The following SNTG1 variants were observed in gnomAD, a reference collection of about 807,000 sequenced individuals.
The protein encoded by SNTG1 is syntrophin gamma 1.
Under a neutral mutation model 74.7 loss-of-function variants are expected in SNTG1, and 39 were observed. The observed-to-expected ratio is 0.52, with a 90% CI of 0.40 to 0.68. The LOEUF is 0.68. Ranked by LOEUF, SNTG1 falls within the 30% of genes least tolerant of loss-of-function variation. SNTG1 has a pLI of 0.00. For synonymous variants in SNTG1, 254 were observed against 217.1 expected (o/e 1.17, Z -1.49); for missense variants, 685 against 609.5 (o/e 1.12, Z -1.30).
intron 1 of SNTG1, among the ~76,000 whole-genome samples, chr8:49,925,856 A>T (rs1226272928): frequency 2.0e-5 from 3 of 152,178 alleles, no homozygotes; most frequent in Non-Finnish European, 4.4e-5. Context: ...GGTTGCTTTC[A>T]GTTTGGGGCT....
At chr8:49,962,315 G>A (rs562946582) in intron 1 of SNTG1, among the ~76,000 whole-genome samples, 29 of 151,548 alleles carry the variant, frequency 1.9e-4, no homozygotes, top group African/African-American at 5.8e-4. Context: ...TTTGGGGGGC[G>A]GGTGATATCT....
chr8:50,388,035 G>T (rs933785101), intron 2 of SNTG1, among the ~76,000 whole-genome samples: 1 of 152,142 alleles, frequency 6.6e-6, no homozygotes, highest in Non-Finnish European at 1.5e-5. Context: ...TTGCTAAGCT[G>T]GGGTTTAATT....
At chr8:50,561,329 A>C (rs2094487117) in intron 12 of SNTG1, among the ~76,000 whole-genome samples, 1 of 152,194 alleles carries the variant, frequency 6.6e-6, no homozygotes, top group Non-Finnish European at 1.5e-5. Context: ...TCTTTCCTTC[A>C]TAAATTACTG....
intron 15 of SNTG1, among the ~76,000 whole-genome samples, chr8:50,681,189 G>T (rs1299485593): frequency 6.6e-6 from 1 of 151,844 alleles, no homozygotes; most frequent in Non-Finnish European, 1.5e-5. Flanking sequence ...ATACCAATTT[G>T]CTTTGTATTT....
chr8:50,539,553 T>C (rs1456586767), intron 11 of SNTG1, among the ~76,000 whole-genome samples: 1 of 152,100 alleles, frequency 6.6e-6, no homozygotes, highest in African/African-American at 2.4e-5. Context: ...ACCACCTCAT[T>C]CCACTGCGGT....
chr8:50,752,136 A>G (rs2095569015), intron 18 of SNTG1, 25 bp downstream of exon 18: 1 of 1,315,312 alleles, frequency 7.6e-7, no homozygotes. Flanking sequence ...TTCATCACAT[A>G]ACACCTCTAA....
At chr8:50,320,475 T>A (rs1367744890) in intron 2 of SNTG1, among the ~76,000 whole-genome samples, 1 of 152,100 alleles carries the variant, frequency 6.6e-6, no homozygotes, top group Non-Finnish European at 1.5e-5. Context: ...TTTGTTGAAT[T>A]GATCTTTTGT....
chr8:50,218,891 C>T (rs183511901), intron 2 of SNTG1, among the ~76,000 whole-genome samples: 22 of 152,320 alleles, frequency 1.4e-4, no homozygotes, highest in African/African-American at 5.0e-4. Context: ...ACTGAAGCCA[C>T]AGAGCCAAGG....
chr8:50,085,263 A>C (rs1822773793), intron 1 of SNTG1, among the ~76,000 whole-genome samples: 1 of 152,204 alleles, frequency 6.6e-6, no homozygotes, highest in South Asian at 2.1e-4. Flanking sequence ...TTATAGAAAA[A>C]TTCATCAGTA....
chr8:50,364,812 G>A (rs1307798612), intron 2 of SNTG1, among the ~76,000 whole-genome samples: 1 of 151,964 alleles, frequency 6.6e-6, no homozygotes, highest in East Asian at 1.9e-4. Context: ...TTTTATTGCA[G>A]TAATCATTTA....
At chr8:50,555,756 G>A (rs1406371999) in intron 12 of SNTG1, among the ~76,000 whole-genome samples, 1 of 152,074 alleles carries the variant, frequency 6.6e-6, no homozygotes, top group East Asian at 1.9e-4. Context: ...ACTGAAAAAA[G>A]GATTAAAATG....
At chr8:50,443,922 T>C (rs112914641) in intron 5 of SNTG1, among the ~76,000 whole-genome samples, 1 of 151,980 alleles carries the variant, frequency 6.6e-6, no homozygotes, top group African/African-American at 2.4e-5. Flanking sequence ...TCATTTGAGG[T>C]CAGGAGCTTG....
chr8:50,213,748 T>C (rs1351260169), intron 2 of SNTG1, among the ~76,000 whole-genome samples: 3 of 152,068 alleles, frequency 2.0e-5, no homozygotes, highest in Non-Finnish European at 4.4e-5. Flanking sequence ...TGTCTGTTCA[T>C]GTCCTTCGCC....
intron 9 of SNTG1, among the ~76,000 whole-genome samples, chr8:50,506,722 TAG>T (rs1486946885): frequency 6.6e-6 from 1 of 152,068 alleles, no homozygotes; most frequent in African/African-American, 2.4e-5. Context: ...GTTTAAACTT[TAG>T]AGTTTTCTAC....
intron 2 of SNTG1, among the ~76,000 whole-genome samples, chr8:50,265,588 C>T (rs760878748): frequency 6.6e-5 from 10 of 151,974 alleles, no homozygotes; most frequent in Non-Finnish European, 1.2e-4. Context: ...GCTTTTGTCA[C>T]TTCTATTCGA....
intron 2 of SNTG1, among the ~76,000 whole-genome samples, chr8:50,305,693 AGTTT>A (rs529049371): frequency 1.4e-3 from 216 of 151,784 alleles, no homozygotes; most frequent in Admixed American, 2.1e-3. Context: ...CTTTTTATTT[AGTTT>A]ATCTAAAAAA....
intron 1 of SNTG1, among the ~76,000 whole-genome samples, chr8:50,013,208 CAG>C (rs1317133699): frequency 2.0e-5 from 3 of 151,998 alleles, no homozygotes; most frequent in African/African-American, 4.8e-5. Flanking sequence ...TTCATAGAAA[CAG>C]TACTATTCTT....
At chr8:50,364,337 C>T (rs898739598) in intron 2 of SNTG1, among the ~76,000 whole-genome samples, 3 of 152,158 alleles carry the variant, frequency 2.0e-5, no homozygotes, top group African/African-American at 7.2e-5. Flanking sequence ...TCACTCTTAT[C>T]ACTTAGCAAA....
intron 8 of SNTG1, among the ~76,000 whole-genome samples, chr8:50,479,744 T>C (rs1392277382): frequency 6.6e-6 from 1 of 152,078 alleles, no homozygotes; most frequent in African/African-American, 2.4e-5. Context: ...TTGGTGGTGG[T>C]GGGTTTCTAC....
Sources: gnomAD v4.1 joint callset for allele counts (sites outside exome capture counted in the v4.1 genomes callset) on GRCh38, gnomAD v4.1.1 for gene constraint, MANE v1.5 for transcripts, NCBI Gene and HGNC (gene_info 2026-07-23, HGNC 2026-07-21) for gene names.